SPART: variants seen among roughly 807,000 people sequenced by gnomAD.
SPART encodes the protein spartin.
Under a neutral mutation model 58.7 loss-of-function variants are expected in SPART, and 35 were observed. The observed-to-expected ratio is 0.60, with a 90% CI of 0.46 to 0.79. The LOEUF is 0.79. SPART is among the 30% of genes least tolerant of loss of function. The probability of loss-of-function intolerance (pLI) is 0.00; values close to 1 mark genes in which losing one functional copy is unlikely to be tolerated. For synonymous variants in SPART, 284 were observed against 280.7 expected (o/e 1.01, Z -0.12); for missense variants, 730 against 786.1 (o/e 0.93, Z 0.85).
At position 36,316,335 on chromosome 13, in the gene SPART, C is replaced by A. The variant is rs535752042; in HGVS notation, c.1289-1914G>T. On this transcript the variant is annotated intron_variant, in intron 5 of 8. Coordinates refer to ENST00000438666, the MANE Select transcript of SPART (RefSeq NM_015087.5). ...CGCCTGTAATCACAGTGTCAGGCCT[C>A]TGAGCCCAAGCCAAGCCATCGCATC... Among the ~76,000 whole-genome samples, 118 of 152,370 alleles carry A rather than the reference C, an allele frequency of 7.7e-4. 1 individual carries two copies. The highest frequency in any genetic ancestry group is 2.5e-3 in the African/African-American group (104 of 41,588).
intron 1 of SPART, among the ~76,000 whole-genome samples, chr13:36,366,660 G>A (rs1022325004): frequency 1.3e-5 from 2 of 152,178 alleles, no homozygotes; most frequent in South Asian, 2.1e-4. Flanking sequence ...AAATCTTGGG[G>A]GACCTCCTCT....
At chr13:36,312,093 C>A in intron 8 of SPART, 52 bp downstream of exon 8, 1 of 1,491,618 alleles carries the variant, frequency 6.7e-7, no homozygotes, top group Non-Finnish European at 9.3e-7. Flanking sequence ...CTCAGAAAAA[C>A]AACAACAACA....
In SPART at chr13:36,304,428, G is replaced by C. The variant is rs751877879; in HGVS notation, c.1938C>G (p.Asn646Lys). 1.2e-6 allele frequency: 2 copies of C among 1,613,698 alleles called. No individual in the cohort carries two copies. The highest frequency in any genetic ancestry group is 2.7e-5 in the African/African-American group (2 of 74,860). Reference sequence around the variant, plus strand: ...TCTGCTCATCCTTCTCCCCTCTCACGTTGACATTTGCTGCTCCTTCTTGAT... The same window carrying C: ...TCTGCTCATCCTTCTCCCCTCTCACCTTGACATTTGCTGCTCCTTCTTGAT... ...RENQEGAANV[N>K]VRGEKDEQTK... The change falls in exon 9 of 9, where the codon AAC becomes AAG. Residue 646 changes from asparagine to lysine, a missense_variant. Transcript: ENST00000438666.
intron 3 of SPART, 62 bp from the exon 4 acceptor site, chr13:36,329,579 G>A: frequency 6.7e-7 from 1 of 1,497,862 alleles, no homozygotes. Context: ...CTTTCTGCCA[G>A]CTATATTACA....
intron 1 of SPART, among the ~76,000 whole-genome samples, chr13:36,368,827 C>T (rs1040737203): frequency 2.6e-5 from 4 of 152,024 alleles, no homozygotes; most frequent in South Asian, 2.1e-4. Context: ...GGTGAAACCC[C>T]GTCTCTACTA....
intron 2 of SPART, among the ~76,000 whole-genome samples, 198 bp downstream of exon 2, chr13:36,334,823 T>C (rs1883799458): frequency 6.6e-6 from 1 of 152,142 alleles, no homozygotes; most frequent in Non-Finnish European, 1.5e-5. Flanking sequence ...AATAAAACTA[T>C]TAATATATCT....
At chr13:36,327,608 A>G (rs900255120) in intron 4 of SPART, among the ~76,000 whole-genome samples, 1 of 152,184 alleles carries the variant, frequency 6.6e-6, no homozygotes, top group Admixed American at 6.5e-5. Context: ...ACATGCCACC[A>G]TTTATGTTAA....
intron 5 of SPART, among the ~76,000 whole-genome samples, chr13:36,320,087 C>T (rs1236045397): frequency 1.3e-5 from 2 of 152,146 alleles, no homozygotes; most frequent in Non-Finnish European, 2.9e-5. Context: ...CTCATGTCTG[C>T]GTGCAGCGGC....
chr13:36,337,003 T>C (rs771593604), intron 1 of SPART, among the ~76,000 whole-genome samples: 7 of 152,196 alleles, frequency 4.6e-5, no homozygotes, highest in Non-Finnish European at 8.8e-5. Context: ...AGGTAGAGGC[T>C]ACAGACTTCA....
At chr13:36,319,804 C>A (rs1172252443) in intron 5 of SPART, among the ~76,000 whole-genome samples, 1 of 144,666 alleles carries the variant, frequency 6.9e-6, no homozygotes, top group Non-Finnish European at 1.5e-5. Context: ...GGCTGTACTG[C>A]CACAAAGCTT....
Position 36,335,595 on chromosome 13 carries a change from T to A in SPART, c.236A>T (p.Gln79Leu). The A allele has an allele frequency of 1.9e-6, 3 of 1,613,622 alleles. No homozygotes were observed. The highest frequency in any genetic ancestry group is 1.7e-6 in the Non-Finnish European group (2 of 1,179,876). Residue 79 changes from glutamine to leucine, a missense_variant, in exon 2 of 9, where the codon CAG becomes CTG. Gln to Leu is a moderately radical substitution (Grantham distance 113). Transcript: ENST00000438666. ...PGWESARQMQQKMKETLQNVR... is the reference protein window; with the variant it reads ...PGWESARQMQLKMKETLQNVR... ...ATTCTGTAGAGTTTCTTTCATTTTCTGTTGCATCTGTCTAGCAGATTCCCA... is the reference window on the plus strand; with the variant it reads ...ATTCTGTAGAGTTTCTTTCATTTTCAGTTGCATCTGTCTAGCAGATTCCCA...
At chr13:36,339,379 ACTT>A (rs1398524339) in intron 1 of SPART, among the ~76,000 whole-genome samples, 1 of 151,996 alleles carries the variant, frequency 6.6e-6, no homozygotes, top group Non-Finnish European at 1.5e-5. Flanking sequence ...GAATAATAAA[ACTT>A]CTAGAAATAT....
chr13:36,342,735 C>A (rs9602830), intron 1 of SPART, among the ~76,000 whole-genome samples: 8 of 151,984 alleles, frequency 5.3e-5, no homozygotes, highest in African/African-American at 1.9e-4. Context: ...GGGATGTGTG[C>A]CCCCCAGGAC....
At chr13:36,346,016 G>T (rs1281872748) in intron 1 of SPART, among the ~76,000 whole-genome samples, 1 of 152,178 alleles carries the variant, frequency 6.6e-6, no homozygotes, top group Non-Finnish European at 1.5e-5. Context: ...CGAGAGAAGG[G>T]ACTGAGAACA....
intron 4 of SPART, 138 bp from the exon 5 acceptor site, chr13:36,326,836 G>C: frequency 1.1e-6 from 1 of 920,624 alleles, no homozygotes; most frequent in East Asian, 2.7e-5. Flanking sequence ...CTAGTTACCA[G>C]TATGGTCTTA....
At chr13:36,363,815 A>G (rs1885958040) in intron 1 of SPART, among the ~76,000 whole-genome samples, 1 of 152,058 alleles carries the variant, frequency 6.6e-6, no homozygotes, top group East Asian at 1.9e-4. Flanking sequence ...TTTTGAGACA[A>G]ATACTATAAT....
intron 1 of SPART, among the ~76,000 whole-genome samples, chr13:36,351,743 G>C (rs190666207): frequency 6.6e-6 from 1 of 152,232 alleles, no homozygotes; most frequent in Admixed American, 6.5e-5. Context: ...TTAGTTAGAT[G>C]AATGTGCTAA....
intron 8 of SPART, among the ~76,000 whole-genome samples, chr13:36,306,448 T>A (rs60496901): frequency 0.015 from 2,310 of 152,092 alleles, 60 homozygotes; most frequent in African/African-American, 0.053. Flanking sequence ...CAGAACCATG[T>A]GAGCTACAAT....
At chr13:36,320,061 CTGTTT>C (rs1882213038) in intron 5 of SPART, among the ~76,000 whole-genome samples, 1 of 152,194 alleles carries the variant, frequency 6.6e-6, no homozygotes, top group Non-Finnish European at 1.5e-5. Flanking sequence ...CTTGACCTTA[CTGTTT>C]TAGCCTAGCC....
Sources: gnomAD v4.1 joint callset for allele counts (sites outside exome capture counted in the v4.1 genomes callset) on GRCh38, gnomAD v4.1.1 for gene constraint, MANE v1.5 for transcripts, NCBI Gene and HGNC (gene_info 2026-07-23, HGNC 2026-07-21) for gene names.